The following PCDHA4 variants were observed in gnomAD, a reference collection of about 807,000 sequenced individuals.
PCDHA4 encodes the protein protocadherin alpha 4.
In PCDHA4, 49 loss-of-function variants were observed where a neutral mutation model predicts 61.4. That is an observed-to-expected ratio of 0.80 (90% CI 0.63 to 1.01). The LOEUF is 1.01. Ranked by LOEUF, PCDHA4 falls within the 50% of genes least tolerant of loss-of-function variation. PCDHA4 has a pLI of 0.00. For missense variants in PCDHA4, 1,254 were observed against 1,235.8 expected, an observed-to-expected ratio of 1.01 and a Z score of -0.22; for synonymous variants, 590 against 550.3, an observed-to-expected ratio of 1.07 and a Z score of -1.01.
chr5:141,000,839 C>G (rs1194048512), intron 3 of PCDHA4, among the ~76,000 whole-genome samples: 1 of 151,970 alleles, frequency 6.6e-6, no homozygotes, highest in Admixed American at 6.6e-5. Flanking sequence ...TCCAGGAGAT[C>G]CAGTCTGGCA....
intron 1 of PCDHA4, among the ~76,000 whole-genome samples, chr5:140,925,210 C>T (rs1319343041): frequency 2.0e-5 from 3 of 152,122 alleles, no homozygotes; most frequent in African/African-American, 7.2e-5. Context: ...ATTATCGATA[C>T]TTTTAGGCAG....
At chr5:140,870,614 C>A (rs782305059) in intron 1 of PCDHA4, 1 of 1,613,212 alleles carries the variant, frequency 6.2e-7, no homozygotes, top group South Asian at 1.1e-5. Flanking sequence ...CGCGCGCTGT[C>A]GAGCTACGTG....
intron 1 of PCDHA4, chr5:140,836,542 C>A (rs1554136059): frequency 6.2e-7 from 1 of 1,613,774 alleles, no homozygotes; most frequent in African/African-American, 1.3e-5. Context: ...CTGTACACGG[C>A]GTTGCGGTGC....
chr5:140,927,422 T>G, intron 1 of PCDHA4: 1 of 1,614,028 alleles, frequency 6.2e-7, no homozygotes. Context: ...GGATCGCGGG[T>G]TGACGGCAGC....
At chr5:140,882,823 T>C (rs2059326985) in intron 1 of PCDHA4, 1 of 1,614,160 alleles carries the variant, frequency 6.2e-7, no homozygotes, top group Non-Finnish European at 8.5e-7. Flanking sequence ...CACAAAACAG[T>C]CTTGAGCAAA....
At chr5:140,974,856 C>G (rs2096643713) in intron 1 of PCDHA4, among the ~76,000 whole-genome samples, 1 of 152,104 alleles carries the variant, frequency 6.6e-6, no homozygotes, top group African/African-American at 2.4e-5. Context: ...TTCCCTTTTG[C>G]CTTAATGCGG....
rs781933598 is a variant in PCDHA4, at chr5:140,809,127, T to C, written c.1940T>C (p.Leu647Pro). The change falls in exon 1 of 4, where the codon CTA (leucine) becomes CCA (proline). Residue 647 changes from leucine to proline, a missense_variant. Physicochemically the swap from Leu to Pro is moderately conservative, Grantham distance 98. Transcript: ENST00000530339. Reference sequence around the variant, plus strand: ...GAAACGGACGCTCCGCGCCACCGCCTACTGGTACTGGTGAAGGACCACGGC... The same window carrying C: ...GAAACGGACGCTCCGCGCCACCGCCCACTGGTACTGGTGAAGGACCACGGC... ...LDETDAPRHR[L>P]LVLVKDHGEP... The C allele has an allele frequency of 1.2e-5, 19 of 1,613,890 alleles. No homozygotes were observed. Among genetic ancestry groups the C allele is most frequent in the Non-Finnish European group, 1.5e-5 (18 of 1,179,952 alleles).
At chr5:140,859,957 A>G (rs1554152871) in intron 1 of PCDHA4, 1 of 151,974 alleles carries the variant, frequency 6.6e-6, no homozygotes, top group African/African-American at 2.4e-5. Context: ...ATCAATTGTA[A>G]AAGTCTCAGG....
chr5:140,909,397 G>C (rs564100527), intron 1 of PCDHA4, among the ~76,000 whole-genome samples: 1 of 152,320 alleles, frequency 6.6e-6, no homozygotes, highest in East Asian at 1.9e-4. Flanking sequence ...TACAGCAGCT[G>C]CAATTGCAGT....
intron 1 of PCDHA4, among the ~76,000 whole-genome samples, chr5:140,969,735 T>A (rs1029423690): frequency 2.6e-5 from 4 of 152,188 alleles, no homozygotes; most frequent in Non-Finnish European, 5.9e-5. Flanking sequence ...TGAAATCCTA[T>A]ATGAGTGATG....
chr5:140,969,863 C>A (rs1305470999), intron 1 of PCDHA4, among the ~76,000 whole-genome samples: 1 of 152,156 alleles, frequency 6.6e-6, no homozygotes, highest in Non-Finnish European at 1.5e-5. Context: ...CTGGTACTTG[C>A]ACTGAACCTA....
chr5:140,897,086 T>TA (rs1430532398), intron 1 of PCDHA4, among the ~76,000 whole-genome samples: 12 of 152,178 alleles, frequency 7.9e-5, no homozygotes, highest in Non-Finnish European at 1.6e-4. Flanking sequence ...TTCTATTTTT[T>TA]ATCCTCATTA....
At chr5:140,824,356 T>C in intron 1 of PCDHA4, 1 of 579,334 alleles carries the variant, frequency 1.7e-6, no homozygotes. Context: ...TAATATTTTA[T>C]ATTAGCATTT....
chr5:140,967,053 G>A (rs1563359791), intron 1 of PCDHA4: 4 of 1,612,648 alleles, frequency 2.5e-6, no homozygotes, highest in Non-Finnish European at 3.4e-6. Flanking sequence ...GACCTGACGA[G>A]TGGAGCGCTC....
At chr5:140,900,049 A>T (rs2067710838) in intron 1 of PCDHA4, among the ~76,000 whole-genome samples, 1 of 152,044 alleles carries the variant, frequency 6.6e-6, no homozygotes, top group Non-Finnish European at 1.5e-5. Flanking sequence ...GGCTCAAGTG[A>T]TCCTTTAACC....
intron 1 of PCDHA4, among the ~76,000 whole-genome samples, chr5:140,950,482 T>C (rs1384931498): frequency 6.6e-6 from 1 of 152,106 alleles, no homozygotes; most frequent in African/African-American, 2.4e-5. Flanking sequence ...TGATGAGAAG[T>C]GTGTAGTCAT....
chr5:140,837,346 A>T (rs1387832105), intron 1 of PCDHA4, among the ~76,000 whole-genome samples: 1 of 152,056 alleles, frequency 6.6e-6, no homozygotes, highest in African/African-American at 2.4e-5. Flanking sequence ...AATTTAAAAT[A>T]GTTTAAATGG....
intron 1 of PCDHA4, chr5:140,865,634 A>G (rs2048944722): frequency 6.6e-6 from 1 of 152,218 alleles, no homozygotes; most frequent in Non-Finnish European, 1.5e-5. Context: ...TCATGAAGGG[A>G]CTTAAATACA....
At position 140,808,624 on chromosome 5, in the gene PCDHA4, G is replaced by A; in HGVS notation, c.1437G>A (p.Ala479=). Residue 479 remains alanine, a synonymous_variant, in exon 1 of 4, where the codon GCG becomes GCA. Coordinates refer to ENST00000530339, the MANE Select transcript of PCDHA4 (RefSeq NM_018907.4). ...PPGCHIFTVS[A]WDADAQENAL... ...GCTGCCACATCTTCACTGTGTCTGC[G>A]TGGGACGCGGACGCGCAGGAGAACG... 6.2e-7 allele frequency: 1 copy of A among 1,613,680 alleles called. No individual in the cohort carries two copies. Among genetic ancestry groups the A allele is most frequent in the Non-Finnish European group, 8.5e-7 (1 of 1,179,902 alleles).
Sources: allele counts gnomAD v4.1 joint callset (sites outside exome capture counted in the v4.1 genomes callset), GRCh38; gene constraint gnomAD v4.1.1; transcripts MANE v1.5; gene names NCBI Gene and HGNC (gene_info 2026-07-23, HGNC 2026-07-21).